Variants in SCHIP1 observed in about 807,000 individuals in gnomAD.
SCHIP1 encodes schwannomin-interacting protein 1.
Under a neutral mutation model 29.7 loss-of-function variants are expected in SCHIP1, and 8 were observed. The ratio of observed to expected loss-of-function variants is 0.27; its 90% confidence interval spans 0.16 to 0.49. The LOEUF (loss-of-function observed/expected upper bound fraction) is 0.49. Among genes scored for constraint, SCHIP1 ranks in the 20% least tolerant of loss-of-function variants. The probability of loss-of-function intolerance (pLI) is 0.99; values close to 1 mark genes in which losing one functional copy is unlikely to be tolerated. For missense variants in SCHIP1, 193 were observed against 294.6 expected (o/e 0.66, Z 2.52); for synonymous variants, 76 against 94.9 (o/e 0.80, Z 1.16).
intron 6 of SCHIP1, among the ~76,000 whole-genome samples, chr3:159,895,181 T>C (rs539320146): frequency 6.6e-6 from 1 of 152,290 alleles, no homozygotes; most frequent in Admixed American, 6.5e-5. Flanking sequence ...AGGGGACAGA[T>C]TTTTTAAGGA....
At chr3:159,753,936 C>T in the SCHIP1 span, among the ~76,000 whole-genome samples, 28 of 152,330 alleles carry the variant, frequency 1.8e-4, no homozygotes, top group East Asian at 5.4e-3. Flanking sequence ...CTGATACCTC[C>T]CCCAGTGCAT....
chr3:159,416,916 G>A, the SCHIP1 span, among the ~76,000 whole-genome samples: 1 of 152,174 alleles, frequency 6.6e-6, no homozygotes, highest in Non-Finnish European at 1.5e-5. Flanking sequence ...TCCGTCAAGG[G>A]AAAGCAGCCT....
the SCHIP1 span, among the ~76,000 whole-genome samples, chr3:159,373,548 T>G: frequency 1.3e-5 from 2 of 152,092 alleles, no homozygotes; most frequent in Admixed American, 1.3e-4. Context: ...TGTATCCTTT[T>G]GACCATCATC....
chr3:159,560,521 AT>A, the SCHIP1 span, among the ~76,000 whole-genome samples: 1 of 152,138 alleles, frequency 6.6e-6, no homozygotes, highest in Non-Finnish European at 1.5e-5. Context: ...AGCTGGTATC[AT>A]TCTTCCTCCT....
At chr3:159,807,327 G>A in the SCHIP1 span, among the ~76,000 whole-genome samples, 1 of 152,176 alleles carries the variant, frequency 6.6e-6, no homozygotes, top group African/African-American at 2.4e-5. Context: ...TCACACTGAT[G>A]TATGAATAAA....
the SCHIP1 span, among the ~76,000 whole-genome samples, chr3:159,798,204 G>A: frequency 1.7e-4 from 26 of 152,256 alleles, 1 homozygote; most frequent in East Asian, 3.5e-3. Context: ...CTGGCTTTGC[G>A]GAATAAGAGC....
the SCHIP1 span, among the ~76,000 whole-genome samples, chr3:159,774,552 T>TGTTATTTTC: frequency 2.6e-5 from 4 of 152,222 alleles, no homozygotes; most frequent in African/African-American, 9.6e-5. Flanking sequence ...CATCATTTTA[T>TGTTATTTTC]GTTATTTTCA....
intron 2 of SCHIP1, among the ~76,000 whole-genome samples, chr3:159,882,903 C>T (rs1479804397): frequency 1.3e-5 from 2 of 152,216 alleles, no homozygotes; most frequent in Non-Finnish European, 2.9e-5. Context: ...CCAGTAGGCA[C>T]TGTCACACTG....
At chr3:159,496,662 G>T in the SCHIP1 span, among the ~76,000 whole-genome samples, 1 of 152,202 alleles carries the variant, frequency 6.6e-6, no homozygotes, top group Non-Finnish European at 1.5e-5. Context: ...TGGTGGGACT[G>T]TACACTAATT....
chr3:159,571,623 G>A, the SCHIP1 span, among the ~76,000 whole-genome samples: 50 of 152,154 alleles, frequency 3.3e-4, no homozygotes, highest in African/African-American at 9.7e-4. Context: ...TTTGGTATCA[G>A]GATGATGTTG....
the SCHIP1 span, among the ~76,000 whole-genome samples, chr3:159,468,399 T>C: frequency 6.6e-5 from 10 of 152,186 alleles, no homozygotes; most frequent in Middle Eastern, 3.4e-3. Flanking sequence ...ACTGAAGGAC[T>C]TTCACAAACC....
chr3:159,510,740 C>A, the SCHIP1 span, among the ~76,000 whole-genome samples: 5 of 152,308 alleles, frequency 3.3e-5, no homozygotes, highest in South Asian at 2.1e-4. Flanking sequence ...CCACTCCAGA[C>A]CCTGTTTGCC....
chr3:159,766,277 G>C, the SCHIP1 span, among the ~76,000 whole-genome samples: 1 of 152,100 alleles, frequency 6.6e-6, no homozygotes, highest in East Asian at 1.9e-4. Flanking sequence ...TGACTTCAGG[G>C]GTGAGGATGG....
At chr3:159,765,380 A>T in the SCHIP1 span, 1 of 473,034 alleles carries the variant, frequency 2.1e-6, no homozygotes, top group Non-Finnish European at 3.6e-6. Context: ...GGCAGCGGAA[A>T]GTCGGGTTAG....
the SCHIP1 span, among the ~76,000 whole-genome samples, chr3:159,805,908 G>A: frequency 4.0e-5 from 6 of 150,434 alleles, no homozygotes; most frequent in African/African-American, 4.9e-5. Flanking sequence ...TCCCAGGTTC[G>A]AGCAATTCTC....
intron 6 of SCHIP1, among the ~76,000 whole-genome samples, chr3:159,895,182 T>G (rs965965314): frequency 6.6e-6 from 1 of 152,194 alleles, no homozygotes; most frequent in Admixed American, 6.5e-5. Context: ...GGGGACAGAT[T>G]TTTTAAGGAA....
chr3:159,617,697 T>C, the SCHIP1 span, among the ~76,000 whole-genome samples: 2 of 152,174 alleles, frequency 1.3e-5, no homozygotes, highest in African/African-American at 4.8e-5. Flanking sequence ...TCATTTCTCC[T>C]GAAAACCATT....
the SCHIP1 span, among the ~76,000 whole-genome samples, chr3:159,631,384 G>A: frequency 1.3e-5 from 2 of 152,122 alleles, no homozygotes; most frequent in Non-Finnish European, 2.9e-5. Context: ...ACAGACACTT[G>A]AAGACCAATG....
chr3:159,626,251 T>TATAGATAGATAG, the SCHIP1 span, among the ~76,000 whole-genome samples: 144 of 93,730 alleles, frequency 1.5e-3, 1 homozygote, highest in South Asian at 2.3e-3. Flanking sequence ...TATCTATCTA[T>TATAGATAGATAG]ATAGATAGAT....
Sources: gnomAD v4.1 joint callset for allele counts (sites outside exome capture counted in the v4.1 genomes callset) on GRCh38, gnomAD v4.1.1 for gene constraint, MANE v1.5 for transcripts, NCBI Gene and HGNC (gene_info 2026-07-23, HGNC 2026-07-21) for gene names.